The following KDM2A variants were observed in gnomAD, a reference collection of about 807,000 sequenced individuals.
KDM2A encodes lysine demethylase 2A, also known as lysine-specific demethylase 2A.
Under a neutral mutation model 137.3 loss-of-function variants are expected in KDM2A, and 3 were observed. The observed-to-expected ratio is 0.02, with a 90% CI of 0.01 to 0.06. The LOEUF is 0.06. Among genes scored for constraint, KDM2A ranks in the 10% least tolerant of loss-of-function variants. The probability of loss-of-function intolerance (pLI) is 1.00; values close to 1 mark genes in which losing one functional copy is unlikely to be tolerated. For synonymous variants in KDM2A, 512 were observed against 541.5 expected (o/e 0.95, Z 0.76); for missense variants, 738 against 1,510.6 (o/e 0.49, Z 8.48).
chr11:67,159,364 C>T (rs1341469752), intron 2 of KDM2A, among the ~76,000 whole-genome samples: 2 of 152,148 alleles, frequency 1.3e-5, no homozygotes, highest in Non-Finnish European at 1.5e-5. Flanking sequence ...AAAATGTCCT[C>T]CTTTCTGGGT....
At chr11:67,143,934 A>G (rs1856183158) in intron 2 of KDM2A, among the ~76,000 whole-genome samples, 1 of 149,936 alleles carries the variant, frequency 6.7e-6, no homozygotes, top group Non-Finnish European at 1.5e-5. Flanking sequence ...GCCTGGCCTT[A>G]AAAAAAACTA....
chr11:67,186,056 TAGAA>T (rs1483347517), intron 5 of KDM2A, among the ~76,000 whole-genome samples: 2 of 151,194 alleles, frequency 1.3e-5, no homozygotes, highest in East Asian at 1.9e-4. Context: ...AGAAGGAAAA[TAGAA>T]AGGAGCAGAG....
rs1260545651 is a variant in KDM2A, at chr11:67,255,487, G to A, written c.*432G>A. The stretch of plus-strand genomic sequence containing the variant: ...GCCCTGTCTCCATGGCCAGGTTCTT[G>A]TGGTGTCCAGTGCGCGTCTCTCCTC... On this transcript the variant is annotated 3_prime_UTR_variant, in exon 21 of 21. Coordinates refer to ENST00000529006, the MANE Select transcript of KDM2A (RefSeq NM_012308.3). 4.4e-6 allele frequency: 2 copies of A among 455,968 alleles called. No individual in the cohort carries two copies. The highest frequency in any genetic ancestry group is 8.8e-6 in the Non-Finnish European group (2 of 226,720). The allele number at this position is 455,968 out of a possible 1,614,324, so 28.2% of individuals were successfully genotyped here. A position where few individuals can be genotyped will look rare whatever the true frequency, so the allele number is the denominator to read the frequency against.
chr11:67,120,767 A>G (rs1855580905), intron 1 of KDM2A, among the ~76,000 whole-genome samples: 1 of 151,954 alleles, frequency 6.6e-6, no homozygotes, highest in Non-Finnish European at 1.5e-5. Context: ...TTTAAATCCT[A>G]ATTTTTTGTC....
chr11:67,141,329 G>A (rs984400266), intron 2 of KDM2A, among the ~76,000 whole-genome samples: 1 of 152,004 alleles, frequency 6.6e-6, no homozygotes, highest in African/African-American at 2.4e-5. Context: ...ATATTTAATA[G>A]GAACATTTCA....
At chr11:67,188,309 C>G (rs192332132) in intron 5 of KDM2A, among the ~76,000 whole-genome samples, 1 of 151,832 alleles carries the variant, frequency 6.6e-6, no homozygotes, top group Non-Finnish European at 1.5e-5. Flanking sequence ...GGTGAAACCC[C>G]GTCTCTACTA....
intron 10 of KDM2A, among the ~76,000 whole-genome samples, chr11:67,223,254 G>T (rs988886336): frequency 6.6e-6 from 1 of 151,788 alleles, no homozygotes; most frequent in Non-Finnish European, 1.5e-5. Flanking sequence ...ATTGATATGC[G>T]GCATAAGTAA....
At chr11:67,150,524 A>G (rs1049233408) in intron 2 of KDM2A, among the ~76,000 whole-genome samples, 21 of 152,290 alleles carry the variant, frequency 1.4e-4, no homozygotes, top group African/African-American at 4.8e-4. Context: ...TTCCAGGCCA[A>G]TTAGGGAAGG....
rs1856808808 is a variant in KDM2A at position 67,168,672 on chromosome 11, GGGA to G, written c.43-11406_43-11404del. 2.8e-5 allele frequency among the ~76,000 whole-genome samples: 4 copies of G among 144,878 alleles called. No homozygotes were observed. In the South Asian group the frequency reaches 8.8e-4, roughly 32 times the overall value. The stretch of plus-strand genomic sequence containing the variant: ...ACACACACACACACACACGGTCGGG[GGGA>G]TAGACAGCAATGTCCGTCTATCCAC... On this transcript the variant is annotated intron_variant, in intron 2 of 20. Coordinates refer to ENST00000529006, the MANE Select transcript of KDM2A (RefSeq NM_012308.3).
At chr11:67,176,582 A>G (rs903447340) in intron 2 of KDM2A, among the ~76,000 whole-genome samples, 1 of 152,228 alleles carries the variant, frequency 6.6e-6, no homozygotes, top group African/African-American at 2.4e-5. Context: ...AGGCAATTTC[A>G]TCATTGTACT....
chr11:67,165,082 G>A (rs942933615), intron 2 of KDM2A, among the ~76,000 whole-genome samples: 1 of 151,928 alleles, frequency 6.6e-6, no homozygotes, highest in African/African-American at 2.4e-5. Flanking sequence ...AGTGGGACGG[G>A]TAGGAGTATA....
At chr11:67,122,649 TTATTTA>T (rs1855624130) in intron 2 of KDM2A, among the ~76,000 whole-genome samples, 2 of 123,968 alleles carry the variant, frequency 1.6e-5, no homozygotes, top group Non-Finnish European at 3.0e-5. Context: ...TTATTTTTAT[TTATTTA>T]TTTATTTATT....
intron 3 of KDM2A, among the ~76,000 whole-genome samples, chr11:67,180,979 A>C (rs1054327168): frequency 2.2e-5 from 3 of 133,410 alleles, no homozygotes; most frequent in African/African-American, 9.9e-5. Flanking sequence ...TTTTTTTTTT[A>C]ACTCTTCAGA....
At chr11:67,145,998 GTT>G (rs552846225) in intron 2 of KDM2A, among the ~76,000 whole-genome samples, 1 of 122,256 alleles carries the variant, frequency 8.2e-6, no homozygotes, top group African/African-American at 3.2e-5. Flanking sequence ...GTTTTTTTTT[GTT>G]TTTTTTTTTT....
chr11:67,177,045 G>C (rs1856985494), intron 2 of KDM2A, among the ~76,000 whole-genome samples: 1 of 152,090 alleles, frequency 6.6e-6, no homozygotes, highest in African/African-American at 2.4e-5. Context: ...ATCACCTGAG[G>C]TCAGGGGTTC....
chr11:67,219,313 T>G lies in KDM2A; in HGVS notation c.867T>G (p.Pro289=). 1 of 1,608,854 alleles carries G rather than the reference T, an allele frequency of 6.2e-7. No homozygotes were observed. The highest frequency in any genetic ancestry group is 8.5e-7 in the Non-Finnish European group (1 of 1,177,134). The part of the protein sequence containing the change: ...PSGWIHAVYT[P]TDTLVFGGNF... ...GCTGGATTCATGCTGTGTATACTCC[T>G]ACAGACACATTAGTGTTTGGGGGCA... is the stretch of plus-strand genomic sequence containing the variant. The change falls in exon 10 of 21, where the codon CCT becomes CCG. Residue 289 remains proline, a synonymous_variant. Coordinates refer to ENST00000529006, the MANE Select transcript of KDM2A (RefSeq NM_012308.3).
intron 5 of KDM2A, among the ~76,000 whole-genome samples, chr11:67,198,029 T>G (rs992917782): frequency 5.3e-5 from 8 of 152,220 alleles, no homozygotes; most frequent in African/African-American, 1.9e-4. Flanking sequence ...GAACATTTGT[T>G]TACTATTAAG....
At chr11:67,134,222 A>C (rs1855922958) in intron 2 of KDM2A, among the ~76,000 whole-genome samples, 1 of 152,226 alleles carries the variant, frequency 6.6e-6, no homozygotes, top group Non-Finnish European at 1.5e-5. Context: ...CAGATTCTCA[A>C]CTGGGGATGA....
At chr11:67,188,299 G>A (rs188434252) in intron 5 of KDM2A, among the ~76,000 whole-genome samples, 205 of 152,062 alleles carry the variant, frequency 1.3e-3, no homozygotes, top group African/African-American at 4.7e-3. Flanking sequence ...TGGCTAACAC[G>A]GTGAAACCCC....
Sources: gnomAD v4.1 joint callset for allele counts (sites outside exome capture counted in the v4.1 genomes callset) on GRCh38, gnomAD v4.1.1 for gene constraint, MANE v1.5 for transcripts, NCBI Gene and HGNC (gene_info 2026-07-23, HGNC 2026-07-21) for gene names.